TRAF5: variants seen among roughly 807,000 people sequenced by gnomAD.
TRAF5 encodes the protein TNF receptor-associated factor 5.
TRAF5 carries 48 observed loss-of-function variants against 64.5 expected under a neutral mutation model. The observed-to-expected ratio is 0.74, with a 90% CI of 0.59 to 0.95. The LOEUF is 0.95. TRAF5 is among the 40% of genes least tolerant of loss of function. The pLI, the probability that TRAF5 is intolerant of heterozygous loss-of-function variation, is 0.00. For synonymous variants in TRAF5, 206 were observed against 240.5 expected, an observed-to-expected ratio of 0.86 and a Z score of 1.33; for missense variants, 545 against 662.8, an observed-to-expected ratio of 0.82 and a Z score of 1.95.
chr1:211,338,095 G>A (rs1254189600), intron 1 of TRAF5, among the ~76,000 whole-genome samples: 2 of 152,206 alleles, frequency 1.3e-5, no homozygotes, highest in African/African-American at 4.8e-5. Context: ...TGACCTGGAA[G>A]CTGCCACGAT....
chr1:211,356,921 A>T (rs1702988238), intron 4 of TRAF5: 1 of 159,588 alleles, frequency 6.3e-6, no homozygotes, highest in African/African-American at 2.4e-5. Context: ...ACCTGGCCTC[A>T]TGGGGTTTAT....
intron 1 of TRAF5, among the ~76,000 whole-genome samples, chr1:211,345,652 T>A (rs1702586054): frequency 6.6e-6 from 1 of 152,218 alleles, no homozygotes; most frequent in Non-Finnish European, 1.5e-5. Context: ...ATCCTTCCCA[T>A]GCTGCTCAAG....
At position 211,356,488 on chromosome 1, in the gene TRAF5, G is replaced by A. The variant is rs778501614; in HGVS notation, c.378+20G>A. On this transcript the variant is annotated intron_variant, in intron 4 of 10. Transcript: ENST00000261464. ...TACCAGGTTGGTATTACTCATGAAC[G>A]ATATCTGCTTTTGCCATTTTTCCAG... 3.1e-6 allele frequency: 5 copies of A among 1,606,860 alleles called. No homozygotes were observed. The highest frequency in any genetic ancestry group is 1.7e-5 in the Admixed American group (1 of 59,816).
chr1:211,327,835 G>A (rs1014541705), intron 1 of TRAF5, among the ~76,000 whole-genome samples: 6 of 152,248 alleles, frequency 3.9e-5, no homozygotes, highest in Non-Finnish European at 7.3e-5. Flanking sequence ...TGCCAGGGCT[G>A]CCCCTGCAGC....
chr1:211,345,499 G>A (rs1249952365), intron 1 of TRAF5, among the ~76,000 whole-genome samples: 3 of 152,152 alleles, frequency 2.0e-5, no homozygotes, highest in Non-Finnish European at 4.4e-5. Flanking sequence ...CCCACCGAGG[G>A]CATGGATTCC....
intron 7 of TRAF5, among the ~76,000 whole-genome samples, chr1:211,361,755 G>A (rs1300113404): frequency 7.0e-6 from 1 of 142,680 alleles, no homozygotes; most frequent in Non-Finnish European, 1.5e-5. Flanking sequence ...GGAGTGCAGT[G>A]GCATGATCTC....
At chr1:211,360,856 A>G (rs915678517) in intron 6 of TRAF5, 77 bp downstream of exon 6, 17 of 1,370,114 alleles carry the variant, frequency 1.2e-5, no homozygotes, top group Admixed American at 1.7e-5. Context: ...TGTTTGATAC[A>G]GTCCCAAAGA....
At chr1:211,370,575 A>G (rs1399271043) in intron 9 of TRAF5, among the ~76,000 whole-genome samples, 1 of 152,236 alleles carries the variant, frequency 6.6e-6, no homozygotes, top group African/African-American at 2.4e-5. Context: ...TGTGTTTGAT[A>G]CACCTAACCT....
chr1:211,362,583 G>C (rs1703219988), intron 7 of TRAF5, among the ~76,000 whole-genome samples: 1 of 152,146 alleles, frequency 6.6e-6, no homozygotes, highest in Non-Finnish European at 1.5e-5. Flanking sequence ...GGGAGGCTGA[G>C]GTATGAGAAT....
intron 5 of TRAF5, 167 bp downstream of exon 5, chr1:211,360,243 CCTT>C (rs1226380569): frequency 5.9e-6 from 4 of 681,018 alleles, no homozygotes; most frequent in African/African-American, 1.8e-5. Context: ...AAGCTTAAAA[CCTT>C]CTTGTTGGTA....
At chr1:211,365,626 G>C in intron 8 of TRAF5, 158 bp downstream of exon 8, 1 of 551,146 alleles carries the variant, frequency 1.8e-6, no homozygotes, top group Non-Finnish European at 3.1e-6. Context: ...TAGGATTATA[G>C]AACATTAGAA....
intron 1 of TRAF5, among the ~76,000 whole-genome samples, chr1:211,340,911 C>T (rs1702431636): frequency 6.6e-6 from 1 of 152,212 alleles, no homozygotes; most frequent in South Asian, 2.1e-4. Context: ...GTCTTTTTCT[C>T]AGTCCTTTGA....
At chr1:211,333,220 G>A (rs551735563) in intron 1 of TRAF5, among the ~76,000 whole-genome samples, 193 of 152,214 alleles carry the variant, frequency 1.3e-3, no homozygotes, top group South Asian at 2.1e-3. Context: ...ACGGAGTCTT[G>A]CTCTGTTGCC....
intron 2 of TRAF5, 113 bp downstream of exon 2, chr1:211,353,570 C>A: frequency 9.5e-7 from 1 of 1,051,896 alleles, no homozygotes; most frequent in South Asian, 1.5e-5. Flanking sequence ...GGCCACAGAA[C>A]CATGACTGTA....
intron 8 of TRAF5, among the ~76,000 whole-genome samples, chr1:211,366,470 A>C (rs892990717): frequency 6.6e-6 from 1 of 152,218 alleles, no homozygotes; most frequent in African/African-American, 2.4e-5. Context: ...ACCCTTGAAG[A>C]ACTAACATAA....
chr1:211,353,114 C>A, intron 1 of TRAF5, 125 bp from the exon 2 acceptor site: 1 of 969,892 alleles, frequency 1.0e-6, no homozygotes, highest in Non-Finnish European at 1.6e-6. Flanking sequence ...GTTTCAGAGT[C>A]ACAACAGAAT....
intron 1 of TRAF5, among the ~76,000 whole-genome samples, chr1:211,330,380 T>C (rs944503840): frequency 1.2e-4 from 18 of 151,756 alleles, no homozygotes; most frequent in Admixed American, 1.2e-3. Flanking sequence ...TTTTTTTTTT[T>C]TTCTCTCAAG....
Position 211,372,704 on chromosome 1 carries a change from C to T in TRAF5, c.*2C>T. 2 of 1,613,286 alleles carry T rather than the reference C, an allele frequency of 1.2e-6. No homozygotes were observed. Among genetic ancestry groups the T allele is most frequent in the Admixed American group, 1.7e-5 (1 of 59,960 alleles). The stretch of plus-strand genomic sequence containing the variant: ...TTAACTGACCTGGAGGATCTCTAGT[C>T]ACTGTTATGGGGTGATAAGAGGACT... On this transcript the variant is annotated 3_prime_UTR_variant, in exon 11 of 11. Transcript: ENST00000261464.
At position 211,353,404 on chromosome 1, in the gene TRAF5, C is replaced by A. The variant is rs200989117; in HGVS notation, c.165C>A (p.Pro55=). 1 of 1,614,050 alleles carries A rather than the reference C, an allele frequency of 6.2e-7. No homozygotes were observed. Among genetic ancestry groups the A allele is most frequent in the African/African-American group, 1.3e-5 (1 of 75,028 alleles). ...CAFCHSVLHN[P]HQTGCGHRFC... is the part of the protein sequence containing the mutation. ...TCTGCCACTCGGTGCTTCACAACCC[C>A]CACCAGACAGGATGTGGGCACCGCT... The change falls in exon 2 of 11, where the codon CCC becomes CCA. Residue 55 remains proline (P), a synonymous_variant. Coordinates refer to ENST00000261464, the MANE Select transcript of TRAF5 (RefSeq NM_001033910.3).
Sources: allele counts gnomAD v4.1 joint callset (sites outside exome capture counted in the v4.1 genomes callset), GRCh38; gene constraint gnomAD v4.1.1; transcripts MANE v1.5; gene names NCBI Gene and HGNC (gene_info 2026-07-23, HGNC 2026-07-21).